The following ADSL variants were observed in gnomAD, a reference collection of about 807,000 sequenced individuals.
ADSL encodes the protein adenylosuccinate lyase.
ADSL carries 44 observed loss-of-function variants against 62.1 expected under a neutral mutation model. The observed-to-expected ratio is 0.71, with a 90% CI of 0.56 to 0.91. The LOEUF (loss-of-function observed/expected upper bound fraction) is 0.91, where lower values mean the gene tolerates loss of function less well. Among genes scored for constraint, ADSL ranks in the 40% least tolerant of loss-of-function variants. ADSL has a pLI of 0.00. For missense variants in ADSL, 531 were observed against 627.4 expected (o/e 0.85, Z 1.64); for synonymous variants, 198 against 220.5 (o/e 0.90, Z 0.90).
At chr22:40,361,832 CAA>C (rs973336653) in intron 9 of ADSL, among the ~76,000 whole-genome samples, 197 bp downstream of exon 9, 5 of 152,114 alleles carry the variant, frequency 3.3e-5, no homozygotes, top group African/African-American at 1.2e-4. Context: ...TACTGTGGAG[CAA>C]AGAGGAAGGA....
At chr22:40,363,461 CGTG>C (rs1395944771) in intron 10 of ADSL, among the ~76,000 whole-genome samples, 2 of 152,048 alleles carry the variant, frequency 1.3e-5, no homozygotes, top group Non-Finnish European at 2.9e-5. Context: ...TCAGGCCAGG[CGTG>C]GTGGCTCACG....
downstream of ADSL, among the ~76,000 whole-genome samples, chr22:40,371,072 C>G (rs1475613486): frequency 2.0e-5 from 3 of 152,224 alleles, no homozygotes; most frequent in African/African-American, 4.8e-5. Context: ...GGCACCGGGA[C>G]AGCTGCAGAC....
chr22:40,359,370 C>G, intron 6 of ADSL, 64 bp downstream of exon 6: 1 of 1,529,646 alleles, frequency 6.5e-7, no homozygotes, highest in Admixed American at 1.7e-5. Context: ...TTCAGTATAC[C>G]TGCAGATTTG....
At chr22:40,350,777 C>A (rs1277178080) in intron 2 of ADSL, among the ~76,000 whole-genome samples, 1 of 151,972 alleles carries the variant, frequency 6.6e-6, no homozygotes, top group Admixed American at 6.6e-5. Flanking sequence ...TGCCACCACG[C>A]CGCCTGGCTA....
chr22:40,352,698 C>G (rs1159935759), intron 2 of ADSL, among the ~76,000 whole-genome samples: 1 of 152,142 alleles, frequency 6.6e-6, no homozygotes, highest in Admixed American at 6.5e-5. Context: ...GACAGTCTTG[C>G]TGTGTTACAC....
intron 10 of ADSL, 127 bp from the exon 11 acceptor site, chr22:40,364,149 C>A: frequency 2.7e-6 from 2 of 750,724 alleles, no homozygotes; most frequent in Non-Finnish European, 4.6e-6. Flanking sequence ...TAGAATAAAA[C>A]AACTTGTTAC....
intron 1 of ADSL, chr22:40,348,676 A>G (rs1274021459): frequency 7.5e-6 from 3 of 398,348 alleles, no homozygotes; most frequent in Non-Finnish European, 1.3e-5. Flanking sequence ...CTGACTTTTT[A>G]CTTATAAATA....
At chr22:40,369,696 G>A (rs2045141182), downstream of ADSL, among the ~76,000 whole-genome samples, 1 of 151,744 alleles carries the variant, frequency 6.6e-6, no homozygotes, top group Admixed American at 6.6e-5. Flanking sequence ...GTAGAGACAG[G>A]GTCTCACTCT....
chr22:40,346,786 G>A, intron 1 of ADSL, 75 bp downstream of exon 1: 1 of 1,473,938 alleles, frequency 6.8e-7, no homozygotes, highest in Non-Finnish European at 9.1e-7. Context: ...TCTGTTCCGG[G>A]CTGGGCTTAG....
In ADSL at chr22:40,353,068, C is replaced by T. The variant is rs769856337; in HGVS notation, c.358-5C>T. ...AATATAAGATCATTGCATTTTCTTT[C>T]GTAGGACTTGATTATTCTTAGAAAT... On this transcript the variant is annotated splice_region_variant and splice_polypyrimidine_tract_variant and intron_variant, in intron 2 of 12. Coordinates refer to ENST00000623063, the MANE Select transcript of ADSL (RefSeq NM_000026.4). 61 of 1,612,434 alleles carry T rather than the reference C, an allele frequency of 3.8e-5. No homozygotes were observed. The South Asian group carries it at 5.5e-4, about 15-fold the overall frequency.
intron 1 of ADSL, among the ~76,000 whole-genome samples, chr22:40,349,375 CT>C (rs71263543): frequency 0.19 from 25,630 of 135,818 alleles, 2,615 homozygotes; most frequent in Admixed American, 0.36. Context: ...TTGGAGCTTT[CT>C]TTTTTTTTTT....
intron 2 of ADSL, among the ~76,000 whole-genome samples, chr22:40,378,863 T>C (rs1357384594): frequency 2.0e-5 from 3 of 152,218 alleles, no homozygotes; most frequent in Admixed American, 1.3e-4. Context: ...TAGAGTTCTT[T>C]TTAGAAGATT....
At chr22:40,362,569 G>A (rs58322227) in intron 9 of ADSL, among the ~76,000 whole-genome samples, 3,481 of 152,258 alleles carry the variant, frequency 0.023, 132 homozygotes, top group African/African-American at 0.08. Context: ...TAGATCCAGA[G>A]TCGAAGGCAG....
Position 40,359,278 on chromosome 22 carries a change from A to G in ADSL, c.673A>G (p.Met225Val). Residue 225 changes from methionine to valine, a missense_variant, in exon 6 of 13, where the codon ATG (methionine) becomes GTG (valine). Physicochemically the swap from Met to Val is conservative, Grantham distance 21. Transcript: ENST00000623063. ...DDHKVEQLDKMVTEKAGFKRA... is the reference protein window; with the variant it reads ...DDHKVEQLDKVVTEKAGFKRA... ...TTCCAAGGTAGAGCAGCTTGACAAG[A>G]TGGTGACAGAAAAGGCAGGATTTAA... The G allele has an allele frequency of 6.8e-6, 11 of 1,614,194 alleles. No homozygotes were observed. The highest frequency in any genetic ancestry group is 8.5e-6 in the Non-Finnish European group (10 of 1,180,034).
chr22:40,370,403 CCCA>C (rs370751263), downstream of ADSL, among the ~76,000 whole-genome samples: 64 of 152,290 alleles, frequency 4.2e-4, no homozygotes, highest in African/African-American at 1.5e-3. Flanking sequence ...GCGTCTATCT[CCCA>C]CCACCCTGAC....
intron 12 of ADSL, among the ~76,000 whole-genome samples, chr22:40,365,769 T>G (rs1386457996): frequency 6.6e-6 from 1 of 151,910 alleles, no homozygotes; most frequent in East Asian, 1.9e-4. Flanking sequence ...TACTCAGGGC[T>G]GAGGCGGGAG....
chr22:40,360,742 G>A (rs988064764), intron 7 of ADSL, among the ~76,000 whole-genome samples: 8 of 144,682 alleles, frequency 5.5e-5, no homozygotes, highest in African/African-American at 2.1e-4. Flanking sequence ...TTTTTTTCGA[G>A]ATGGAGTTTC....
chr22:40,374,301 T>C (rs1323341876), downstream of ADSL, among the ~76,000 whole-genome samples: 1 of 152,172 alleles, frequency 6.6e-6, no homozygotes, highest in Non-Finnish European at 1.5e-5. Context: ...CACTTTATTG[T>C]GAAGATGTCA....
chr22:40,364,381 T>C lies in ADSL; in HGVS notation c.1191+16T>C, dbSNP rs779771191. On this transcript the variant is annotated intron_variant, in intron 11 of 12. Coordinates refer to ENST00000623063, the MANE Select transcript of ADSL (RefSeq NM_000026.4). Reference sequence around the variant, plus strand: ...TAGCCGCCAGGTTTGTAACCCCTCATGTTCCTGGATAAGTTGAGAGTGCAC... The same window carrying C: ...TAGCCGCCAGGTTTGTAACCCCTCACGTTCCTGGATAAGTTGAGAGTGCAC... 3 of 1,610,298 alleles carry C rather than the reference T, an allele frequency of 1.9e-6. No individual in the cohort carries two copies.
Sources: allele counts gnomAD v4.1 joint callset (sites outside exome capture counted in the v4.1 genomes callset), GRCh38; gene constraint gnomAD v4.1.1; transcripts MANE v1.5; gene names NCBI Gene and HGNC (gene_info 2026-07-23, HGNC 2026-07-21).